Variants in SHLD1 observed in about 807,000 individuals in gnomAD.
SHLD1 encodes shieldin complex subunit 1, also known as RINN1-REV7-interacting novel NHEJ regulator 3.
A neutral mutation model predicts 5.5 loss-of-function variants in SHLD1; 3 were observed. That is an observed-to-expected ratio of 0.54 (90% CI 0.25 to 1.40). SHLD1 has a LOEUF of 1.40. SHLD1 is among the 40% of genes most tolerant of loss of function. The pLI is 0.15. For missense variants in SHLD1, 210 were observed against 244.4 expected (o/e 0.86, Z 0.94); for synonymous variants, 92 against 94.3 (o/e 0.98, Z 0.14).
chr20:5,852,499 C>G (rs1479391412), intron 2 of SHLD1, among the ~76,000 whole-genome samples: 1 of 151,708 alleles, frequency 6.6e-6, no homozygotes, highest in Non-Finnish European at 1.5e-5. Flanking sequence ...TGCCCTGTCA[C>G]CCAGGCTGAA....
At chr20:5,860,192 C>A (rs1006302622) in intron 2 of SHLD1, among the ~76,000 whole-genome samples, 12 of 152,188 alleles carry the variant, frequency 7.9e-5, no homozygotes, top group Middle Eastern at 3.4e-3. Flanking sequence ...ATCACGGGAC[C>A]CCATTCCCTC....
chr20:5,802,104 T>C (rs913477974), intron 2 of SHLD1, among the ~76,000 whole-genome samples: 1 of 152,182 alleles, frequency 6.6e-6, no homozygotes, highest in Non-Finnish European at 1.5e-5. Context: ...CAAGTTAGAG[T>C]CCTGTGAGGG....
intron 2 of SHLD1, among the ~76,000 whole-genome samples, chr20:5,838,230 T>C (rs1312106607): frequency 6.6e-6 from 1 of 152,196 alleles, no homozygotes. Flanking sequence ...TAATAGGATG[T>C]CAACACATAA....
chr20:5,791,563 CAAAAAAAAAAAAA>C (rs34606715), intron 2 of SHLD1, among the ~76,000 whole-genome samples: 3 of 61,018 alleles, frequency 4.9e-5, no homozygotes, highest in African/African-American at 1.5e-4. Context: ...GACCCTGTCT[CAAAAAAAAAAAAA>C]AAAAAAAAAG....
chr20:5,773,126 C>G, intron 2 of SHLD1, 83 bp downstream of exon 2: 3 of 1,429,334 alleles, frequency 2.1e-6, no homozygotes, highest in Non-Finnish European at 3.0e-6. Flanking sequence ...CTCTCTCTTC[C>G]AATAGCAGAT....
intron 2 of SHLD1, among the ~76,000 whole-genome samples, chr20:5,790,646 G>T (rs941524159): frequency 6.6e-6 from 1 of 151,776 alleles, no homozygotes; most frequent in Non-Finnish European, 1.5e-5. Context: ...TAGAGACGGG[G>T]TTTCACCGTG....
chr20:5,798,565 G>A (rs2087244815), intron 2 of SHLD1, among the ~76,000 whole-genome samples: 2 of 150,558 alleles, frequency 1.3e-5, no homozygotes, highest in African/African-American at 4.9e-5. Context: ...GCCTCCCAAA[G>A]TGCTGGGATT....
chr20:5,787,608 A>G (rs1298480658), intron 2 of SHLD1, among the ~76,000 whole-genome samples: 1 of 152,238 alleles, frequency 6.6e-6, no homozygotes, highest in Non-Finnish European at 1.5e-5. Flanking sequence ...CAATGCCTGC[A>G]GCTTCTGCCT....
chr20:5,772,190 T>G (rs897277283), intron 1 of SHLD1: 2 of 454,600 alleles, frequency 4.4e-6, no homozygotes, highest in Non-Finnish European at 8.8e-6. Context: ...TTTACCTTTT[T>G]GCCTAAAGAA....
intron 2 of SHLD1, among the ~76,000 whole-genome samples, chr20:5,835,079 CT>C (rs535176351): frequency 6.6e-6 from 1 of 151,926 alleles, no homozygotes; most frequent in African/African-American, 2.4e-5. Context: ...AAATGGAGTC[CT>C]TTTTTTTCAT....
intron 2 of SHLD1, among the ~76,000 whole-genome samples, chr20:5,839,918 C>T (rs1400005970): frequency 1.3e-5 from 2 of 152,116 alleles, no homozygotes; most frequent in Non-Finnish European, 2.9e-5. Flanking sequence ...TGTCCCTGCG[C>T]CCCCACAATA....
At chr20:5,770,537 C>G (rs1208487353) in intron 1 of SHLD1, among the ~76,000 whole-genome samples, 1 of 152,188 alleles carries the variant, frequency 6.6e-6, no homozygotes, top group Non-Finnish European at 1.5e-5. Context: ...ATCAACTTGT[C>G]TTGTTGCATG....
chr20:5,780,273 C>A (rs150458956), intron 2 of SHLD1, among the ~76,000 whole-genome samples: 2 of 152,082 alleles, frequency 1.3e-5, no homozygotes, highest in Admixed American at 6.6e-5. Context: ...CCAGTGCACC[C>A]GGCTTGACTG....
intron 2 of SHLD1, among the ~76,000 whole-genome samples, chr20:5,791,596 T>C (rs1453807655): frequency 3.7e-5 from 5 of 135,184 alleles, no homozygotes; most frequent in Non-Finnish European, 7.9e-5. Context: ...GGAAATGATA[T>C]AAATGATAGA....
chr20:5,799,494 G>A (rs900318034), intron 2 of SHLD1, among the ~76,000 whole-genome samples: 1 of 58,420 alleles, frequency 1.7e-5, no homozygotes. Flanking sequence ...TTTTTTTTTT[G>A]GAGAGACAGG....
At chr20:5,784,730 G>T (rs200982072) in intron 2 of SHLD1, among the ~76,000 whole-genome samples, 1 of 152,194 alleles carries the variant, frequency 6.6e-6, no homozygotes, top group East Asian at 1.9e-4. Flanking sequence ...GATTACAGGC[G>T]TGAGCCACCG....
chr20:5,844,214 C>A (rs2087899711), intron 2 of SHLD1, among the ~76,000 whole-genome samples: 1 of 152,196 alleles, frequency 6.6e-6, no homozygotes, highest in South Asian at 2.1e-4. Flanking sequence ...TCTGACTCAG[C>A]CAGCAGTCAT....
intron 1 of SHLD1, among the ~76,000 whole-genome samples, chr20:5,753,908 C>A (rs982247532): frequency 6.6e-6 from 1 of 152,188 alleles, no homozygotes. Context: ...GAGCTTTTCT[C>A]TTTTGCCTAT....
At chr20:5,785,259 G>C (rs6139829) in intron 2 of SHLD1, among the ~76,000 whole-genome samples, 2 of 152,174 alleles carry the variant, frequency 1.3e-5, no homozygotes, top group African/African-American at 4.8e-5. Context: ...TTACATTTCA[G>C]GCACTGTGCT....
Sources: gnomAD v4.1 joint callset for allele counts (sites outside exome capture counted in the v4.1 genomes callset) on GRCh38, gnomAD v4.1.1 for gene constraint, MANE v1.5 for transcripts, NCBI Gene and HGNC (gene_info 2026-07-23, HGNC 2026-07-21) for gene names.